The following CIB4 variants were observed in gnomAD, a reference collection of about 807,000 sequenced individuals.
CIB4 encodes the protein calcium and integrin-binding family member 4.
CIB4 carries 25 observed loss-of-function variants against 25.8 expected under a neutral mutation model. That is an observed-to-expected ratio of 0.97 (90% CI 0.71 to 1.35). The LOEUF (loss-of-function observed/expected upper bound fraction) is 1.35. CIB4 is among the 40% of genes most tolerant of loss of function. The pLI is 0.00. For missense variants in CIB4, 235 were observed against 228.2 expected (o/e 1.03, Z -0.19); for synonymous variants, 75 against 81.4 (o/e 0.92, Z 0.42).
chr2:26,640,650 G>A, intron 1 of CIB4, 83 bp from the exon 2 acceptor site: 1 of 1,426,834 alleles, frequency 7.0e-7, no homozygotes, highest in South Asian at 1.3e-5. Flanking sequence ...TTCAGAGGCT[G>A]GGGAGGAAAT....
At chr2:26,640,461 C>T in intron 2 of CIB4, 72 bp downstream of exon 2, 2 of 1,499,398 alleles carry the variant, frequency 1.3e-6, no homozygotes, top group South Asian at 2.4e-5. Context: ...CAGCGTGAGG[C>T]TGTATTAGGG....
At chr2:26,608,762 C>T (rs1042445188) in intron 3 of CIB4, among the ~76,000 whole-genome samples, 3 of 152,164 alleles carry the variant, frequency 2.0e-5, no homozygotes, top group Non-Finnish European at 4.4e-5. Context: ...GCACAGATCT[C>T]ACCAAGCCTT....
chr2:26,612,072 A>T (rs1448163575), intron 3 of CIB4, among the ~76,000 whole-genome samples: 1 of 152,136 alleles, frequency 6.6e-6, no homozygotes, highest in East Asian at 1.9e-4. Flanking sequence ...CACTCCAGAG[A>T]CAATTTGCTA....
rs912030833 is a variant in CIB4 at position 26,589,231 on chromosome 2, C to T, written c.329-5333G>A. Among the ~76,000 whole-genome samples, 4 of 147,996 alleles carry T rather than the reference C, an allele frequency of 2.7e-5. 1 individual carries two copies. In the Admixed American group the frequency reaches 2.7e-4, roughly 10 times the overall value. On this transcript the variant is annotated intron_variant, in intron 4 of 6. Coordinates refer to ENST00000288861, the MANE Select transcript of CIB4 (RefSeq NM_001029881.3). ...CCTCTTCTTCTTCCTCCTCCTCCCC[C>T]TCTTCTTCTACTTCTCCTTCCTCCT...
At chr2:26,589,066 CTCTTCCTCTTCT>C (rs1558554895) in intron 4 of CIB4, among the ~76,000 whole-genome samples, 8,065 of 45,978 alleles carry the variant, frequency 0.18, 1,653 homozygotes, top group Non-Finnish European at 0.21. Flanking sequence ...CTTCCTCTTC[CTCTTCCTCTTCT>C]TCTTCTTCTT....
intron 4 of CIB4, among the ~76,000 whole-genome samples, chr2:26,589,035 C>G: frequency 2.3e-5 from 1 of 42,618 alleles, no homozygotes; most frequent in Non-Finnish European, 4.6e-5. Context: ...TCTTCTTCTT[C>G]TTCTTCTTCT....
intron 4 of CIB4, among the ~76,000 whole-genome samples, chr2:26,588,978 T>TTC (rs1668507983): frequency 2.9e-5 from 2 of 69,888 alleles, no homozygotes; most frequent in African/African-American, 1.1e-4. Context: ...CCGCTTCTTC[T>TTC]TTCTTCTTCT....
At chr2:26,609,177 A>T (rs1219601958) in intron 3 of CIB4, among the ~76,000 whole-genome samples, 1 of 152,174 alleles carries the variant, frequency 6.6e-6, no homozygotes, top group East Asian at 1.9e-4. Context: ...GTGTGGGGGA[A>T]GGTGAGTCCT....
intron 4 of CIB4, among the ~76,000 whole-genome samples, chr2:26,585,139 A>G (rs1176382174): frequency 2.0e-5 from 3 of 152,124 alleles, no homozygotes; most frequent in Non-Finnish European, 2.9e-5. Context: ...GGCTGCCTAA[A>G]TGGGTCTTCT....
intron 2 of CIB4, among the ~76,000 whole-genome samples, chr2:26,635,498 C>T (rs1669515604): frequency 6.6e-6 from 1 of 152,248 alleles, no homozygotes; most frequent in African/African-American, 2.4e-5. Context: ...ATCTGGGCCA[C>T]ATTTCTCTAT....
intron 3 of CIB4, 38 bp from the exon 4 acceptor site, chr2:26,595,355 G>A: frequency 6.3e-7 from 1 of 1,596,302 alleles, no homozygotes; most frequent in Non-Finnish European, 8.6e-7. Context: ...AGGTCTATCA[G>A]GGTCGGGGCT....
chr2:26,623,376 A>G (rs911507740), intron 3 of CIB4: 1 of 231,630 alleles, frequency 4.3e-6, no homozygotes, highest in Admixed American at 5.6e-5. Context: ...ATAAATATTA[A>G]ATTTTTAAAA....
At chr2:26,629,980 G>A (rs1003860492) in intron 2 of CIB4, among the ~76,000 whole-genome samples, 2 of 152,204 alleles carry the variant, frequency 1.3e-5, no homozygotes, top group African/African-American at 4.8e-5. Context: ...GTCTGAGTGA[G>A]CCGGGATTAG....
chr2:26,640,507 G>C lies in CIB4; in HGVS notation c.89+26C>G, dbSNP rs1473478769. 5 of 1,612,020 alleles carry C rather than the reference G, an allele frequency of 3.1e-6. No homozygotes were observed. In the Admixed American group the frequency reaches 5.0e-5, roughly 16 times the overall value. ...GCTCAGAGGGAGGAGCTGGGAGAAG[G>C]AAAGAGGGGCGGGGCTTCTACTCAC... On this transcript the variant is annotated intron_variant, in intron 2 of 6. Transcript: ENST00000288861.
rs771043666 is a variant in CIB4 at position 26,582,919 on chromosome 2, G to A, written c.439-6C>T. 1.9e-5 allele frequency: 30 copies of A among 1,606,790 alleles called. 1 individual carries two copies. The highest frequency in any genetic ancestry group is 1.4e-4 in the South Asian group (13 of 90,800). On this transcript the variant is annotated splice_polypyrimidine_tract_variant and splice_region_variant and intron_variant, in intron 5 of 6. Coordinates refer to ENST00000288861, the MANE Select transcript of CIB4 (RefSeq NM_001029881.3). ...AGATCCGACTCACTCAGGACCTGGC[G>A]AGGGAGCACAGAAGACAGTTGAGTG...
intron 3 of CIB4, among the ~76,000 whole-genome samples, chr2:26,600,958 G>A (rs1010570048): frequency 5.3e-5 from 8 of 151,862 alleles, no homozygotes; most frequent in South Asian, 2.1e-4. Context: ...GGCTGGGAGC[G>A]GTGGCTCACA....
At chr2:26,622,809 C>A (rs1248679142) in intron 3 of CIB4, among the ~76,000 whole-genome samples, 2 of 152,072 alleles carry the variant, frequency 1.3e-5, no homozygotes, top group African/African-American at 4.8e-5. Context: ...ATGGAGAAAC[C>A]CTATCTCTAC....
intron 3 of CIB4, among the ~76,000 whole-genome samples, chr2:26,619,888 G>A (rs1349185346): frequency 6.0e-5 from 9 of 150,702 alleles, no homozygotes; most frequent in Admixed American, 3.9e-4. Context: ...TAAGCCCACA[G>A]CAGGGAAGGT....
At chr2:26,609,545 G>A (rs1045583556) in intron 3 of CIB4, among the ~76,000 whole-genome samples, 22 of 152,248 alleles carry the variant, frequency 1.4e-4, no homozygotes, top group African/African-American at 5.3e-4. Context: ...GGGAACAGAA[G>A]GAAGATGTAG....
Sources: allele counts gnomAD v4.1 joint callset (sites outside exome capture counted in the v4.1 genomes callset), GRCh38; gene constraint gnomAD v4.1.1; transcripts MANE v1.5; gene names NCBI Gene and HGNC (gene_info 2026-07-23, HGNC 2026-07-21).